ABCD3: variants seen among roughly 807,000 people sequenced by gnomAD.
The protein encoded by ABCD3 is ATP binding cassette subfamily D member 3, also known as ATP-binding cassette sub-family D member 3.
A neutral mutation model predicts 105.5 loss-of-function variants in ABCD3; 41 were observed. The ratio of observed to expected loss-of-function variants is 0.39; its 90% confidence interval spans 0.30 to 0.50. ABCD3 has a LOEUF of 0.50. ABCD3 is among the 20% of genes least tolerant of loss of function. The pLI is 0.84. For missense variants in ABCD3, 622 were observed against 806.3 expected, an observed-to-expected ratio of 0.77 and a Z score of 2.77; for synonymous variants, 258 against 269.0, an observed-to-expected ratio of 0.96 and a Z score of 0.40.
chr1:94,501,275 A>C (rs981377353), intron 20 of ABCD3, among the ~76,000 whole-genome samples: 5 of 151,778 alleles, frequency 3.3e-5, no homozygotes, highest in Non-Finnish European at 7.4e-5. Flanking sequence ...GAAAAAAAAA[A>C]AAAAAAAAAC....
intron 1 of ABCD3, among the ~76,000 whole-genome samples, chr1:94,423,303 A>G (rs1659334252): frequency 6.6e-6 from 1 of 152,154 alleles, no homozygotes; most frequent in Admixed American, 6.5e-5. Flanking sequence ...TGTTTTATCT[A>G]TTCATTGCTT....
In ABCD3 at chr1:94,439,196, C is replaced by T. The variant is rs566866046; in HGVS notation, c.111-19411C>T. On this transcript the variant is annotated intron_variant, in intron 1 of 22. Transcript: ENST00000370214. ...TTGTCTGGATGTAAAATCCTAGGTTCACATTTTCTCTTCTTGAATATCTTA... is the reference window on the plus strand; with the variant it reads ...TTGTCTGGATGTAAAATCCTAGGTTTACATTTTCTCTTCTTGAATATCTTA... Among the ~76,000 whole-genome samples the T allele has an allele frequency of 3.9e-5, 6 of 152,284 alleles. No individual in the cohort carries two copies. In the South Asian group the frequency reaches 1.2e-3, roughly 32 times the overall value.
intron 21 of ABCD3, 93 bp downstream of exon 21, chr1:94,506,735 T>G (rs1257740712): frequency 1.2e-6 from 1 of 868,338 alleles, no homozygotes; most frequent in Non-Finnish European, 1.9e-6. Context: ...TCCAGGTCAC[T>G]AAGTAACAAA....
At chr1:94,444,524 A>G (rs1660272159) in intron 1 of ABCD3, among the ~76,000 whole-genome samples, 1 of 152,174 alleles carries the variant, frequency 6.6e-6, no homozygotes, top group Admixed American at 6.5e-5. Flanking sequence ...TTCTTCTTAA[A>G]TATACGCATT....
the ABCD3 span, among the ~76,000 whole-genome samples, chr1:94,412,123 T>A: frequency 3.3e-5 from 5 of 152,130 alleles, no homozygotes; most frequent in East Asian, 1.9e-4. Flanking sequence ...AAACTGTTCA[T>A]TTTAAAATAG....
chr1:94,489,678 A>G, intron 13 of ABCD3, 47 bp from the exon 14 acceptor site: 2 of 1,313,338 alleles, frequency 1.5e-6, no homozygotes, highest in Non-Finnish European at 2.2e-6. Flanking sequence ...AAAAGATGTG[A>G]CAATAGTCTG....
At chr1:94,500,738 T>G (rs1165978595) in intron 20 of ABCD3, among the ~76,000 whole-genome samples, 2 of 152,158 alleles carry the variant, frequency 1.3e-5, no homozygotes, top group African/African-American at 4.8e-5. Context: ...CCCAAAATCA[T>G]ACCCACTCTA....
At chr1:94,467,399 T>G (rs1053251580) in intron 3 of ABCD3, among the ~76,000 whole-genome samples, 2 of 152,214 alleles carry the variant, frequency 1.3e-5, no homozygotes, top group African/African-American at 4.8e-5. Context: ...AACTCTTCCC[T>G]TCATAACTAA....
intron 4 of ABCD3, among the ~76,000 whole-genome samples, chr1:94,468,309 G>A (rs1300336880): frequency 1.3e-5 from 2 of 152,276 alleles, no homozygotes; most frequent in African/African-American, 2.4e-5. Flanking sequence ...CATAATAAGT[G>A]CTGTAATGGG....
chr1:94,396,081 T>C, the ABCD3 span, among the ~76,000 whole-genome samples: 1 of 152,206 alleles, frequency 6.6e-6, no homozygotes, highest in Admixed American at 6.5e-5. Flanking sequence ...TATCCTTTCC[T>C]TCTTGGTTAT....
At chr1:94,516,946 T>G (rs1220080238) in intron 22 of ABCD3, 106 bp from the exon 23 acceptor site, 5 of 829,458 alleles carry the variant, frequency 6.0e-6, no homozygotes, top group Non-Finnish European at 1.1e-5. Context: ...TGCTTATAGA[T>G]TTAGCTCCCT....
At chr1:94,508,312 C>G (rs1423546282) in intron 21 of ABCD3, among the ~76,000 whole-genome samples, 2 of 152,030 alleles carry the variant, frequency 1.3e-5, no homozygotes, top group Non-Finnish European at 2.9e-5. Context: ...AGATATGCGG[C>G]GTTATTTCTG....
chr1:94,496,623 A>G (rs183079114), intron 16 of ABCD3, among the ~76,000 whole-genome samples: 6 of 146,304 alleles, frequency 4.1e-5, no homozygotes, highest in East Asian at 2.0e-4. Context: ...CCCCTACCTG[A>G]TACATCTCTG....
At chr1:94,473,242 T>C (rs914931487) in intron 4 of ABCD3, among the ~76,000 whole-genome samples, 7 of 152,124 alleles carry the variant, frequency 4.6e-5, no homozygotes, top group African/African-American at 1.7e-4. Flanking sequence ...TGCTTTTGTT[T>C]TACAGTGGCA....
At chr1:94,458,513 T>G in intron 1 of ABCD3, 94 bp from the exon 2 acceptor site, 1 of 1,120,222 alleles carries the variant, frequency 8.9e-7, no homozygotes. Context: ...GAAACGCTTT[T>G]AAATAATTTG....
intron 4 of ABCD3, chr1:94,472,117 GT>G (rs1648485128): frequency 2.0e-6 from 1 of 505,978 alleles, no homozygotes; most frequent in African/African-American, 2.1e-5. Flanking sequence ...ACATTTGGAA[GT>G]TGTAGTGATT....
intron 22 of ABCD3, among the ~76,000 whole-genome samples, chr1:94,516,268 T>G (rs1323743315): frequency 6.6e-6 from 1 of 151,936 alleles, no homozygotes; most frequent in Admixed American, 6.6e-5. Flanking sequence ...ATTAGACAGG[T>G]AGCCTATATG....
intron 8 of ABCD3, chr1:94,478,749 T>A: frequency 1.2e-6 from 1 of 845,870 alleles, no homozygotes; most frequent in Non-Finnish European, 1.6e-6. Context: ...TGTTTCAAAG[T>A]AATGTCTAAA....
intron 1 of ABCD3, among the ~76,000 whole-genome samples, chr1:94,432,059 C>G (rs886624965): frequency 6.6e-6 from 1 of 152,064 alleles, no homozygotes; most frequent in Non-Finnish European, 1.5e-5. Flanking sequence ...ATGACTGGTT[C>G]AAGAAAATAT....
Sources: gnomAD v4.1 joint callset for allele counts (sites outside exome capture counted in the v4.1 genomes callset) on GRCh38, gnomAD v4.1.1 for gene constraint, MANE v1.5 for transcripts, NCBI Gene and HGNC (gene_info 2026-07-23, HGNC 2026-07-21) for gene names.